Variants in HEATR4 observed in about 807,000 individuals in gnomAD.
HEATR4 encodes the protein HEAT repeat-containing protein 4.
HEATR4 carries 95 observed loss-of-function variants against 108.8 expected under a neutral mutation model. That is an observed-to-expected ratio of 0.87 (90% confidence interval 0.74 to 1.04). HEATR4 has a LOEUF of 1.04. Among genes scored for constraint, HEATR4 ranks in the 50% least tolerant of loss-of-function variants. The probability of loss-of-function intolerance (pLI) is 0.00; values close to 1 mark genes in which losing one functional copy is unlikely to be tolerated. For synonymous variants in HEATR4, 443 were observed against 459.4 expected, an observed-to-expected ratio of 0.96 and a Z score of 0.46; for missense variants, 1,152 against 1,253.8, an observed-to-expected ratio of 0.92 and a Z score of 1.23.
At chr14:73,604,027 C>T in the HEATR4 span, among the ~76,000 whole-genome samples, 3 of 152,054 alleles carry the variant, frequency 2.0e-5, no homozygotes, top group Admixed American at 6.6e-5. Flanking sequence ...CCACCATGGC[C>T]GGCAGGTGCT....
the HEATR4 span, among the ~76,000 whole-genome samples, chr14:73,585,749 C>T: frequency 4.7e-5 from 7 of 148,322 alleles, no homozygotes; most frequent in Admixed American, 4.7e-4. Context: ...AAATAAAAAT[C>T]ATTGCTGTGG....
chr14:73,536,146 A>G (rs1463942506), intron 1 of HEATR4, among the ~76,000 whole-genome samples: 1 of 114,924 alleles, frequency 8.7e-6, no homozygotes, highest in African/African-American at 2.8e-5. Context: ...GAAAGAGATA[A>G]AAAGGCTTAC....
rs751917043 is a variant in HEATR4 at position 73,493,036 on chromosome 14, C to T, written c.2844+30G>A. On this transcript the variant is annotated intron_variant, in intron 17 of 17. Transcript: ENST00000553558. ...TTTTTCCTTAAACTCACGTTCTTAC[C>T]TTGATAAGCATCAGTGTGCTCACAT... 20 of 1,578,870 alleles carry T rather than the reference C, an allele frequency of 1.3e-5. No individual in the cohort carries two copies. The East Asian group carries it at 4.5e-4, about 36-fold the overall frequency.
intron 2 of HEATR4, among the ~76,000 whole-genome samples, chr14:73,524,013 G>A (rs983790167): frequency 7.9e-5 from 12 of 151,940 alleles, no homozygotes; most frequent in African/African-American, 2.7e-4. Context: ...GCTGTAGGCC[G>A]GGCGCAGTGG....
intron 7 of HEATR4, among the ~76,000 whole-genome samples, chr14:73,510,438 TTTTG>T (rs1887179101): frequency 7.1e-6 from 1 of 140,002 alleles, no homozygotes; most frequent in Non-Finnish European, 1.6e-5. Flanking sequence ...TTGTTTTTGT[TTTTG>T]TTTTTTTTTT....
the HEATR4 span, among the ~76,000 whole-genome samples, chr14:73,623,717 G>A: frequency 2.0e-5 from 3 of 151,892 alleles, no homozygotes; most frequent in African/African-American, 7.3e-5. Context: ...TTGGAGGTGG[G>A]GCCTAATGGG....
intron 17 of HEATR4, among the ~76,000 whole-genome samples, chr14:73,485,415 T>TC (rs1566816498): frequency 6.6e-6 from 1 of 151,566 alleles, no homozygotes; most frequent in Non-Finnish European, 1.5e-5. Context: ...TTTTTTTTTT[T>TC]TTTTCGAGAC....
chr14:73,631,076 A>G, the HEATR4 span, among the ~76,000 whole-genome samples: 1 of 152,214 alleles, frequency 6.6e-6, no homozygotes, highest in East Asian at 1.9e-4. Context: ...TTTCAGTGGC[A>G]AATACATTCT....
intron 17 of HEATR4, among the ~76,000 whole-genome samples, chr14:73,486,234 T>C (rs530868148): frequency 9.2e-5 from 14 of 152,330 alleles, no homozygotes; most frequent in African/African-American, 3.4e-4. Flanking sequence ...ACCCCCACTG[T>C]TGGACAACCA....
chr14:73,506,011 C>T (rs1886796980), intron 10 of HEATR4, among the ~76,000 whole-genome samples: 1 of 151,614 alleles, frequency 6.6e-6, no homozygotes, highest in Admixed American at 6.6e-5. Flanking sequence ...CTGCCTCAGC[C>T]TCCCAAGTAG....
the HEATR4 span, among the ~76,000 whole-genome samples, chr14:73,616,516 A>T: frequency 0.011 from 1,611 of 151,986 alleles, 31 homozygotes; most frequent in African/African-American, 0.037. Context: ...AACATGGCAA[A>T]ACCCAGTCTC....
chr14:73,514,072 A>G lies in HEATR4; in HGVS notation c.1373T>C (p.Leu458Pro). Residue 458 changes from leucine (L) to proline (P), a missense_variant, in exon 6 of 18, where the codon CTG (leucine) becomes CCG (proline). Transcript: ENST00000553558. The stretch of plus-strand genomic sequence containing the variant: ...CTTCCATTCCTTCAGCATCCTCCGC[A>G]GGACCACCAGTTCCCAGGTCACATC... ...QEDVTWELVV[L>P]RRMLKEWKTA... is the part of the protein sequence containing the mutation. 6.2e-7 allele frequency: 1 copy of G among 1,614,182 alleles called. No individual in the cohort carries two copies. Among genetic ancestry groups the G allele is most frequent in the South Asian group, 1.1e-5 (1 of 91,088 alleles).
chr14:73,493,157 TG>T (rs752076582), intron 16 of HEATR4, 33 bp from the exon 17 acceptor site: 84 of 1,584,700 alleles, frequency 5.3e-5, no homozygotes, highest in Non-Finnish European at 7.0e-5. Context: ...AAGTTGGAGG[TG>T]GAAAAAAAAC....
At chr14:73,601,646 T>C in the HEATR4 span, among the ~76,000 whole-genome samples, 1 of 152,172 alleles carries the variant, frequency 6.6e-6, no homozygotes, top group African/African-American at 2.4e-5. Flanking sequence ...CCATGATGAG[T>C]CATAGAAACC....
chr14:73,629,676 A>C, the HEATR4 span, among the ~76,000 whole-genome samples: 17 of 149,480 alleles, frequency 1.1e-4, no homozygotes, highest in African/African-American at 4.2e-4. Flanking sequence ...ATGGAGTCTC[A>C]CTCTGTTGCC....
At chr14:73,619,109 G>A in the HEATR4 span, 6 of 1,259,278 alleles carry the variant, frequency 4.8e-6, no homozygotes, top group Admixed American at 7.7e-5. Context: ...CAGCCTGGGT[G>A]ACAGAGCGAG....
chr14:73,521,116 C>G (rs895365162), intron 3 of HEATR4, 77 bp from the exon 4 acceptor site: 1 of 1,279,602 alleles, frequency 7.8e-7, no homozygotes, highest in Non-Finnish European at 1.1e-6. Flanking sequence ...ATCCACAGCT[C>G]GTTCCCTTTC....
chr14:73,491,214 C>A, intron 17 of HEATR4: 2 of 1,591,420 alleles, frequency 1.3e-6, no homozygotes, highest in Non-Finnish European at 1.7e-6. Context: ...TCGGAGGAAT[C>A]GAGGGTGGAG....
chr14:73,598,229 A>AAC, the HEATR4 span, among the ~76,000 whole-genome samples: 1 of 147,142 alleles, frequency 6.8e-6, no homozygotes, highest in African/African-American at 2.5e-5. Context: ...AAAAAAAAAA[A>AAC]AAAAAAAAAA....
Sources: allele counts gnomAD v4.1 joint callset (sites outside exome capture counted in the v4.1 genomes callset), GRCh38; gene constraint gnomAD v4.1.1; transcripts MANE v1.5; gene names NCBI Gene and HGNC (gene_info 2026-07-23, HGNC 2026-07-21).